The following PCDHGA6 variants were observed in gnomAD, a reference collection of about 807,000 sequenced individuals.
The protein encoded by PCDHGA6 is protocadherin gamma subfamily A, 6.
In PCDHGA6, 41 loss-of-function variants were observed where a neutral mutation model predicts 60.6. The observed-to-expected ratio is 0.68, with a 90% CI of 0.53 to 0.88. The LOEUF is 0.88. Among genes scored for constraint, PCDHGA6 ranks in the 40% least tolerant of loss-of-function variants. PCDHGA6 has a pLI of 0.00. For missense variants in PCDHGA6, 1,312 were observed against 1,203.0 expected (o/e 1.09, Z -1.34); for synonymous variants, 594 against 524.4 (o/e 1.13, Z -1.81).
At chr5:141,380,746 A>G (rs1321659123) in intron 1 of PCDHGA6, among the ~76,000 whole-genome samples, 1 of 152,254 alleles carries the variant, frequency 6.6e-6, no homozygotes, top group African/African-American at 2.4e-5. Context: ...CAAAGAAGGT[A>G]CCAAGACACT....
At chr5:141,467,747 C>T (rs56743829) in intron 1 of PCDHGA6, among the ~76,000 whole-genome samples, 7,097 of 152,110 alleles carry the variant, frequency 0.047, 213 homozygotes, top group Middle Eastern at 0.092. Context: ...CTGCAACCTC[C>T]GCCTCACATG....
chr5:141,474,566 G>A (rs2154572064), intron 1 of PCDHGA6, among the ~76,000 whole-genome samples: 1 of 152,336 alleles, frequency 6.6e-6, no homozygotes, highest in Non-Finnish European at 1.5e-5. Flanking sequence ...GGTTTTCAGA[G>A]ATTAATTGAA....
At chr5:141,410,117 C>T (rs768592770) in intron 1 of PCDHGA6, 6 of 1,612,766 alleles carry the variant, frequency 3.7e-6, no homozygotes, top group Admixed American at 3.3e-5. Context: ...GGACGCAGCC[C>T]GCCAGCGCCT....
intron 1 of PCDHGA6, chr5:141,389,349 A>C: frequency 5.6e-6 from 9 of 1,613,980 alleles, no homozygotes; most frequent in Non-Finnish European, 7.6e-6. Flanking sequence ...CTCTTACTGC[A>C]TCATGGCCAG....
At chr5:141,379,467 G>A (rs1337785290) in intron 1 of PCDHGA6, 1 of 152,222 alleles carries the variant, frequency 6.6e-6, no homozygotes, top group Non-Finnish European at 1.5e-5. Context: ...CTCTGAAAGT[G>A]TGAATGTTAT....
chr5:141,486,803 C>T lies in PCDHGA6; in HGVS notation c.2425-8004C>T. 1 of 1,614,228 alleles carries T rather than the reference C, an allele frequency of 6.2e-7. No homozygotes were observed. Among genetic ancestry groups the T allele is most frequent in the South Asian group, 1.1e-5 (1 of 91,084 alleles). ...GCAGGCCCGGGATCGGGGCAACCCACCCCTTAGCAGCACTGTAACAGTTCG... is the reference window on the plus strand; with the variant it reads ...GCAGGCCCGGGATCGGGGCAACCCATCCCTTAGCAGCACTGTAACAGTTCG... On this transcript the variant is annotated intron_variant, in intron 1 of 3. Coordinates refer to ENST00000517434, the MANE Select transcript of PCDHGA6 (RefSeq NM_018919.3). The surrounding 1 kb of genome is among the most constrained non-coding windows in gnomAD (Gnocchi z 5.0).
At chr5:141,410,839 T>G in intron 1 of PCDHGA6, 2 of 481,442 alleles carry the variant, frequency 4.2e-6, no homozygotes, top group Non-Finnish European at 6.8e-6. Context: ...TGAAGATATT[T>G]TGTCTTTGTC....
chr5:141,440,818 C>T (rs906112291), intron 1 of PCDHGA6: 2 of 152,124 alleles, frequency 1.3e-5, no homozygotes, highest in Non-Finnish European at 2.9e-5. Flanking sequence ...TCACTCAACT[C>T]CTGATCCTAT....
chr5:141,478,376 C>T, intron 1 of PCDHGA6: 4 of 1,613,672 alleles, frequency 2.5e-6, no homozygotes, highest in Non-Finnish European at 3.4e-6. Flanking sequence ...CCTGATGTCG[C>T]CGCACCTTTA....
chr5:141,385,513 A>C (rs1781236036), intron 1 of PCDHGA6: 1 of 1,373,372 alleles, frequency 7.3e-7, no homozygotes, highest in Non-Finnish European at 9.4e-7. Flanking sequence ...CTTTAGTGAA[A>C]GCCTATGGAC....
chr5:141,385,231 A>G (rs1781024340), intron 1 of PCDHGA6: 1 of 1,614,136 alleles, frequency 6.2e-7, no homozygotes, highest in Non-Finnish European at 8.5e-7. Flanking sequence ...CTATGTAGAC[A>G]TGCTCATCAG....
At position 141,489,358 on chromosome 5, in the gene PCDHGA6, G is replaced by A; in HGVS notation, c.2425-5449G>A. On this transcript the variant is annotated intron_variant, in intron 1 of 3. Transcript: ENST00000517434. This position sits in a 1 kb window ranked among gnomAD's most constrained non-coding sequence, Gnocchi z 4.5. ...TCGTTACTCAGTGGTGGAGGAGTCT[G>A]AGCCGGGGACGCTGGTGGGGAATGT... 1 of 1,613,144 alleles carries A rather than the reference G, an allele frequency of 6.2e-7. No individual in the cohort carries two copies. The highest frequency in any genetic ancestry group is 8.5e-7 in the Non-Finnish European group (1 of 1,179,278).
At position 141,374,694 on chromosome 5, in the gene PCDHGA6, G is replaced by T. The variant is rs375847789; in HGVS notation, c.611G>T (p.Gly204Val). The T allele has an allele frequency of 1.2e-6, 2 of 1,609,362 alleles. No individual in the cohort carries two copies. Among genetic ancestry groups the T allele is most frequent in the Non-Finnish European group, 1.7e-6 (2 of 1,177,726 alleles). The change falls in exon 1 of 4, where the codon GGA (glycine) becomes GTA (valine). Residue 204 changes from glycine (G) to valine (V), a missense_variant. By Grantham distance (109) the Gly-to-Val change is moderately radical (BLOSUM62 -3). Coordinates refer to ENST00000517434, the MANE Select transcript of PCDHGA6 (RefSeq NM_018919.3). ...CTGGAGGGCACACTGGACCGGGAAG[G>T]AGAAGCCGTTTACCGCCTGGTCCTT... ...LVLEGTLDRE[G>V]EAVYRLVLTA... is the part of the protein sequence containing the mutation.
intron 1 of PCDHGA6, chr5:141,415,910 A>G: frequency 1.3e-6 from 1 of 757,484 alleles, no homozygotes; most frequent in Non-Finnish European, 1.8e-6. Context: ...ACTTCCATAC[A>G]GAAGTGCCTG....
At chr5:141,415,700 A>G (rs1213224503) in intron 1 of PCDHGA6, 1 of 1,515,570 alleles carries the variant, frequency 6.6e-7, no homozygotes, top group East Asian at 2.5e-5. Flanking sequence ...GAAAGTGTAA[A>G]TGCTAAAACA....
At chr5:141,404,029 C>A in intron 1 of PCDHGA6, 2 of 1,613,428 alleles carry the variant, frequency 1.2e-6, no homozygotes, top group South Asian at 1.1e-5. Flanking sequence ...TGAGAGAAGA[C>A]GCACCTCAGG....
chr5:141,417,678 A>G (rs1306009640), intron 1 of PCDHGA6: 4 of 997,368 alleles, frequency 4.0e-6, no homozygotes, highest in Non-Finnish European at 5.7e-6. Flanking sequence ...GCAGCCAACA[A>G]CAGAAAAGAA....
chr5:141,399,540 C>A (rs775910113), intron 1 of PCDHGA6: 2 of 1,613,934 alleles, frequency 1.2e-6, no homozygotes, highest in Non-Finnish European at 1.7e-6. Context: ...CGCAAGTCTG[C>A]GCCTCGGACC....
At chr5:141,482,235 T>C (rs2099554999) in intron 1 of PCDHGA6, among the ~76,000 whole-genome samples, 1 of 152,174 alleles carries the variant, frequency 6.6e-6, no homozygotes, top group Non-Finnish European at 1.5e-5. Context: ...AAATTGCCAA[T>C]ATAAGTATAG....
Sources: gnomAD v4.1 joint callset for allele counts (sites outside exome capture counted in the v4.1 genomes callset) on GRCh38, gnomAD v4.1.1 for gene constraint, Gnocchi (gnomAD v3.1) non-coding constraint, MANE v1.5 for transcripts, NCBI Gene and HGNC (gene_info 2026-07-23, HGNC 2026-07-21) for gene names.